Variants in ZNF106 observed in about 807,000 individuals in gnomAD.
The protein encoded by ZNF106 is SH3-domain binding protein 3.
ZNF106 carries 67 observed loss-of-function variants against 195.1 expected under a neutral mutation model. That is an observed-to-expected ratio of 0.34 (90% confidence interval 0.28 to 0.42). The LOEUF is 0.42. ZNF106 is among the 10% of genes least tolerant of loss of function. The pLI is 1.00. For missense variants in ZNF106, 2,118 were observed against 2,304.5 expected (o/e 0.92, Z 1.66); for synonymous variants, 784 against 818.6 (o/e 0.96, Z 0.72).
chr15:42,445,007 G>T, intron 7 of ZNF106, 26 bp from the exon 8 acceptor site: 1 of 1,612,824 alleles, frequency 6.2e-7, no homozygotes, highest in Non-Finnish European at 8.5e-7. Context: ...ATAAGGTTCA[G>T]GTTAATACGA....
Position 42,450,730 on chromosome 15 carries a change from G to A in ZNF106, c.1542C>T (p.Asn514=). The A allele has an allele frequency of 2.5e-6, 4 of 1,614,186 alleles. No homozygotes were observed. The highest frequency in any genetic ancestry group is 2.2e-5 in the East Asian group (1 of 44,886). ...FSPGEHSNPS[N]KPTVEDNHGP... Reference sequence around the variant, plus strand: ...CATGGTTATCTTCCACAGTGGGCTTGTTCGAGGGATTTGAGTGTTCTCCAG... The same window carrying A: ...CATGGTTATCTTCCACAGTGGGCTTATTCGAGGGATTTGAGTGTTCTCCAG... The change falls in exon 5 of 22, where the codon AAC becomes AAT. Residue 514 remains asparagine (N), a synonymous_variant. Transcript: ENST00000564754.
chr15:42,481,160 AAG>A (rs2056890627), intron 1 of ZNF106, among the ~76,000 whole-genome samples: 1 of 152,006 alleles, frequency 6.6e-6, no homozygotes, highest in South Asian at 2.1e-4. Flanking sequence ...AGAAATGAAA[AAG>A]AAAGTTTTAA....
rs1175746620 is a variant in ZNF106, at chr15:42,451,097, C to T, written c.1175G>A (p.Gly392Asp). The T allele has an allele frequency of 6.2e-7, 1 of 1,614,188 alleles. No individual in the cohort carries two copies. ...TTTCTCTATCATTTCTGACTTGTTA[C>T]CAGTGATGTCTTTCAATCCCGACTG... is the stretch of plus-strand genomic sequence containing the variant. ...DLQSGLKDIT[G>D]NKSEMIEKPL... The change falls in exon 5 of 22, where the codon GGT becomes GAT. Residue 392 changes from glycine (G) to aspartate (D), a missense_variant. By Grantham distance (94) the Gly-to-Asp change is moderately conservative (BLOSUM62 -1). Transcript: ENST00000564754.
rs1277334335 is a variant in ZNF106, at chr15:42,417,791, T to A, written c.5664+14A>T. The A allele has an allele frequency of 8.1e-6, 13 of 1,608,056 alleles. No homozygotes were observed. The East Asian group carries it at 2.7e-4, about 33-fold the overall frequency. On this transcript the variant is annotated intron_variant, in intron 21 of 21. Coordinates refer to ENST00000564754, the MANE Select transcript of ZNF106 (RefSeq NM_001366845.3). ...TACTGAATCCCAGGCAAACCTCAAGTCCCACTAATGTACCTGTTTGGATCC... is the reference window on the plus strand; with the variant it reads ...TACTGAATCCCAGGCAAACCTCAAGACCCACTAATGTACCTGTTTGGATCC...
intron 12 of ZNF106, among the ~76,000 whole-genome samples, chr15:42,437,681 C>T (rs2055334253): frequency 1.3e-5 from 2 of 151,616 alleles, no homozygotes; most frequent in African/African-American, 2.4e-5. Flanking sequence ...CCAAAATGGA[C>T]GGATCACCTG....
At chr15:42,481,655 G>C (rs541369028) in intron 1 of ZNF106, among the ~76,000 whole-genome samples, 1 of 151,932 alleles carries the variant, frequency 6.6e-6, no homozygotes, top group African/African-American at 2.4e-5. Flanking sequence ...CACTACACCC[G>C]GTCCCATATT....
At chr15:42,428,824 T>C (rs1004197864) in intron 14 of ZNF106, among the ~76,000 whole-genome samples, 8 of 152,006 alleles carry the variant, frequency 5.3e-5, no homozygotes, top group Non-Finnish European at 7.4e-5. Flanking sequence ...AGTGCAGTGG[T>C]GCGATCTCGG....
chr15:42,422,513 G>C lies in ZNF106; in HGVS notation c.5361C>G (p.Val1787=), dbSNP rs150699545. 16 of 1,612,718 alleles carry C rather than the reference G, an allele frequency of 9.9e-6. No homozygotes were observed. The African/African-American group carries it at 2.1e-4, about 22-fold the overall frequency. ...VTACLDKFVR[V]YELQSHDRLQ... ...ATCTAAATTCTACCTGTAATTCATAGACACGAACAAATTTATCCAGGCAAG... is the reference window on the plus strand; with the variant it reads ...ATCTAAATTCTACCTGTAATTCATACACACGAACAAATTTATCCAGGCAAG... Residue 1787 remains valine, a synonymous_variant, in exon 18 of 22, where the codon GTC becomes GTG. Coordinates refer to ENST00000564754, the MANE Select transcript of ZNF106 (RefSeq NM_001366845.3).
chr15:42,478,670 C>T (rs925199045), intron 1 of ZNF106, among the ~76,000 whole-genome samples: 1 of 151,962 alleles, frequency 6.6e-6, no homozygotes, highest in African/African-American at 2.4e-5. Flanking sequence ...TGCCACCACG[C>T]CCAGCTAACT....
At position 42,451,079 on chromosome 15, in the gene ZNF106, A is replaced by C. The variant is rs978868646; in HGVS notation, c.1193T>G (p.Ile398Arg). 6.2e-7 allele frequency: 1 copy of C among 1,614,084 alleles called. No individual in the cohort carries two copies. The highest frequency in any genetic ancestry group is 1.3e-5 in the African/African-American group (1 of 74,932). Reference sequence around the variant, plus strand: ...GCTAAAATCAAAGAGAGGTTTCTCTATCATTTCTGACTTGTTACCAGTGAT... The same window carrying C: ...GCTAAAATCAAAGAGAGGTTTCTCTCTCATTTCTGACTTGTTACCAGTGAT... ...KDITGNKSEM[I>R]EKPLFDFSLI... The change falls in exon 5 of 22, where the codon ATA becomes AGA. Residue 398 changes from isoleucine to arginine, a missense_variant. By Grantham distance (97) the Ile-to-Arg change is moderately conservative. Coordinates refer to ENST00000564754, the MANE Select transcript of ZNF106 (RefSeq NM_001366845.3).
intron 14 of ZNF106, among the ~76,000 whole-genome samples, chr15:42,428,909 GC>G (rs952153758): frequency 6.6e-6 from 1 of 151,564 alleles, no homozygotes; most frequent in Non-Finnish European, 1.5e-5. Context: ...GACCACAGGC[GC>G]CCGCCACCAC....
intron 1 of ZNF106, among the ~76,000 whole-genome samples, chr15:42,484,753 A>T (rs1252617606): frequency 1.3e-5 from 2 of 152,122 alleles, no homozygotes; most frequent in Non-Finnish European, 2.9e-5. Context: ...AAACACAAAC[A>T]GCATTGCTGT....
intron 1 of ZNF106, among the ~76,000 whole-genome samples, chr15:42,478,965 T>C (rs1245693813): frequency 6.6e-6 from 1 of 152,242 alleles, no homozygotes; most frequent in African/African-American, 2.4e-5. Context: ...TATCATTCAG[T>C]TCAAAGTACT....
At chr15:42,469,047 T>C (rs1052290643) in intron 2 of ZNF106, among the ~76,000 whole-genome samples, 1 of 151,850 alleles carries the variant, frequency 6.6e-6, no homozygotes, top group Admixed American at 6.6e-5. Flanking sequence ...TAGCTGGGCG[T>C]GGTGGCGCAT....
intron 6 of ZNF106, 35 bp downstream of exon 6, chr15:42,448,037 G>T (rs113065269): frequency 6.4e-7 from 1 of 1,560,046 alleles, no homozygotes; most frequent in Admixed American, 1.9e-5. Context: ...TGCCACATGC[G>T]ATGTTCTACA....
intron 1 of ZNF106, among the ~76,000 whole-genome samples, chr15:42,475,591 T>C (rs1173066279): frequency 6.6e-6 from 1 of 152,262 alleles, no homozygotes; most frequent in Non-Finnish European, 1.5e-5. Context: ...ATACTTTCCA[T>C]ATTACTAATA....
chr15:42,445,116 A>G (rs2055720138), intron 7 of ZNF106, 135 bp from the exon 8 acceptor site: 1 of 1,066,768 alleles, frequency 9.4e-7, no homozygotes, highest in South Asian at 1.7e-5. Context: ...GAAATTCATA[A>G]AACATTTAGT....
intron 15 of ZNF106, among the ~76,000 whole-genome samples, chr15:42,425,959 C>T (rs1342768320): frequency 6.6e-6 from 1 of 152,222 alleles, no homozygotes; most frequent in Non-Finnish European, 1.5e-5. Flanking sequence ...CTTCATCCCC[C>T]AGCCAACCCT....
At chr15:42,421,560 G>T (rs1198324488) in intron 19 of ZNF106, among the ~76,000 whole-genome samples, 1 of 152,158 alleles carries the variant, frequency 6.6e-6, no homozygotes, top group African/African-American at 2.4e-5. Context: ...ACGTGAGTTG[G>T]TTTCTACTTT....
Sources: allele counts gnomAD v4.1 joint callset (sites outside exome capture counted in the v4.1 genomes callset), GRCh38; gene constraint gnomAD v4.1.1; transcripts MANE v1.5; gene names NCBI Gene and HGNC (gene_info 2026-07-23, HGNC 2026-07-21).